The following CSMD3 variants were observed in gnomAD, a reference collection of about 807,000 sequenced individuals.
CSMD3 encodes CUB and Sushi multiple domains 3.
Under a neutral mutation model 435.2 loss-of-function variants are expected in CSMD3, and 177 were observed. The observed-to-expected ratio is 0.41, with a 90% confidence interval of 0.36 to 0.46. The LOEUF (loss-of-function observed/expected upper bound fraction) is 0.46, where lower values mean the gene tolerates loss of function less well. Among genes scored for constraint, CSMD3 ranks in the 20% least tolerant of loss-of-function variants. The probability of loss-of-function intolerance (pLI) is 0.34; values close to 1 mark genes in which losing one functional copy is unlikely to be tolerated. For synonymous variants in CSMD3, 1,656 were observed against 1,520.5 expected (o/e 1.09, Z -2.07); for missense variants, 4,265 against 4,504.6 (o/e 0.95, Z 1.52).
At chr8:112,466,009 A>G (rs1817923513) in intron 32 of CSMD3, among the ~76,000 whole-genome samples, 1 of 151,588 alleles carries the variant, frequency 6.6e-6, no homozygotes, top group Non-Finnish European at 1.5e-5. Flanking sequence ...GTTCTTTTCG[A>G]TTGCTCCAAA....
chr8:113,123,154 G>A (rs2091033551), intron 4 of CSMD3, among the ~76,000 whole-genome samples: 2 of 152,036 alleles, frequency 1.3e-5, no homozygotes, highest in Admixed American at 1.3e-4. Flanking sequence ...GCCTCTGTAG[G>A]TAATAACCAG....
chr8:112,294,639 A>G (rs1820088618), intron 54 of CSMD3, among the ~76,000 whole-genome samples: 1 of 152,074 alleles, frequency 6.6e-6, no homozygotes, highest in African/African-American at 2.4e-5. Context: ...CACAACATAC[A>G]TATAGGAAGA....
At chr8:113,194,093 A>C (rs1005009506) in intron 3 of CSMD3, among the ~76,000 whole-genome samples, 24 of 151,442 alleles carry the variant, frequency 1.6e-4, no homozygotes, top group African/African-American at 5.8e-4. Flanking sequence ...GGGGAAAAAA[A>C]CCTATACCAA....
At chr8:112,829,932 G>T (rs925302154) in intron 11 of CSMD3, 143 bp from the exon 12 acceptor site, 3 of 588,144 alleles carry the variant, frequency 5.1e-6, no homozygotes, top group Admixed American at 2.9e-5. Flanking sequence ...CACACAAGCA[G>T]TTCAATTATG....
intron 13 of CSMD3, among the ~76,000 whole-genome samples, chr8:112,755,344 A>AATT (rs1468924436): frequency 7.9e-6 from 1 of 127,014 alleles, no homozygotes; most frequent in Non-Finnish European, 1.6e-5. Flanking sequence ...TAATAATAAT[A>AATT]ATAATAATAA....
chr8:112,675,991 G>A (rs2131747594), intron 16 of CSMD3, among the ~76,000 whole-genome samples: 1 of 152,230 alleles, frequency 6.6e-6, no homozygotes, highest in South Asian at 2.1e-4. Flanking sequence ...AAAGAAAGGA[G>A]TCAGGAAAGA....
chr8:113,115,088 A>G (rs2090781906), intron 4 of CSMD3, among the ~76,000 whole-genome samples: 1 of 152,192 alleles, frequency 6.6e-6, no homozygotes, highest in Non-Finnish European at 1.5e-5. Context: ...CAAGCCTTCC[A>G]GGTGAATCTC....
At chr8:112,386,751 C>T (rs1563876139) in intron 36 of CSMD3, among the ~76,000 whole-genome samples, 2 of 152,094 alleles carry the variant, frequency 1.3e-5, no homozygotes, top group African/African-American at 2.4e-5. Context: ...CCCGCCTCGG[C>T]CCCCCAAAGT....
chr8:113,397,319 C>T (rs1396076528), intron 1 of CSMD3, among the ~76,000 whole-genome samples: 1 of 151,952 alleles, frequency 6.6e-6, no homozygotes, highest in East Asian at 1.9e-4. Flanking sequence ...TCTTTATGGT[C>T]TCTTTAAATT....
At chr8:112,727,358 C>T (rs190970111) in intron 13 of CSMD3, among the ~76,000 whole-genome samples, 2 of 151,858 alleles carry the variant, frequency 1.3e-5, no homozygotes, top group Admixed American at 6.6e-5. Flanking sequence ...GCAACATAAA[C>T]ATAAAGGGTC....
At chr8:112,448,755 T>TAAAAAAAAAAAAAAAAA (rs199998820) in intron 32 of CSMD3, among the ~76,000 whole-genome samples, 5 of 127,198 alleles carry the variant, frequency 3.9e-5, no homozygotes, top group Non-Finnish European at 6.5e-5. Flanking sequence ...TACAATCTAT[T>TAAAAAAAAAAAAAAAAA]AAAAAAAAAA....
At chr8:112,810,692 A>G (rs2079201503) in intron 12 of CSMD3, among the ~76,000 whole-genome samples, 2 of 152,040 alleles carry the variant, frequency 1.3e-5, no homozygotes, top group African/African-American at 2.4e-5. Context: ...CCATCTCCAA[A>G]AAAATTGGAA....
chr8:113,186,211 G>A (rs1327751658), intron 3 of CSMD3, among the ~76,000 whole-genome samples: 1 of 151,944 alleles, frequency 6.6e-6, no homozygotes, highest in Non-Finnish European at 1.5e-5. Context: ...ATAGGGCTGT[G>A]CCCTATGTGG....
At chr8:112,769,956 T>A (rs543503171) in intron 13 of CSMD3, among the ~76,000 whole-genome samples, 4 of 151,990 alleles carry the variant, frequency 2.6e-5, no homozygotes, top group Admixed American at 6.6e-5. Context: ...AACACTACAA[T>A]GAACCAAAAT....
chr8:112,290,050 A>G (rs371991667), intron 56 of CSMD3, among the ~76,000 whole-genome samples: 1 of 152,156 alleles, frequency 6.6e-6, no homozygotes, highest in Admixed American at 6.6e-5. Flanking sequence ...TTTAATATAT[A>G]GTCTAGAATC....
At chr8:113,329,881 G>T (rs936015069) in intron 1 of CSMD3, among the ~76,000 whole-genome samples, 2 of 151,818 alleles carry the variant, frequency 1.3e-5, no homozygotes, top group African/African-American at 4.8e-5. Flanking sequence ...AATGACATTT[G>T]AAAAAAATAA....
chr8:112,887,436 G>A (rs888137402), intron 10 of CSMD3, among the ~76,000 whole-genome samples: 18 of 150,992 alleles, frequency 1.2e-4, no homozygotes, highest in Non-Finnish European at 1.5e-4. Context: ...TCTGCAACAC[G>A]AATATATATT....
chr8:113,123,992 A>G (rs1181716101), intron 4 of CSMD3, among the ~76,000 whole-genome samples: 1 of 151,986 alleles, frequency 6.6e-6, no homozygotes, highest in Non-Finnish European at 1.5e-5. Flanking sequence ...ACCTTTTTGT[A>G]TCTACCAAAG....
intron 13 of CSMD3, among the ~76,000 whole-genome samples, chr8:112,759,744 C>T (rs1047204042): frequency 3.3e-5 from 5 of 152,028 alleles, no homozygotes; most frequent in African/African-American, 1.2e-4. Flanking sequence ...GTTATTTTCG[C>T]AGCCTTTTAG....
Sources: allele counts gnomAD v4.1 joint callset (sites outside exome capture counted in the v4.1 genomes callset), GRCh38; gene constraint gnomAD v4.1.1; transcripts MANE v1.5; gene names NCBI Gene and HGNC (gene_info 2026-07-23, HGNC 2026-07-21).